Variants in NPFFR2 observed in about 807,000 individuals in gnomAD.
NPFFR2 encodes G-protein coupled receptor 74.
In NPFFR2, 15 loss-of-function variants were observed where a neutral mutation model predicts 13.1. The ratio of observed to expected loss-of-function variants is 1.15; its 90% confidence interval spans 0.77 to 1.76. The LOEUF (loss-of-function observed/expected upper bound fraction) is 1.76, where lower values mean the gene tolerates loss of function less well. Ranked by LOEUF, NPFFR2 falls within the 40% of genes most tolerant of loss-of-function variation. The pLI is 0.00. For missense variants in NPFFR2, 572 were observed against 503.5 expected (o/e 1.14, Z -1.30); for synonymous variants, 190 against 175.7 (o/e 1.08, Z -0.65).
At chr4:72,142,664 A>G (rs1293335014) in intron 3 of NPFFR2, among the ~76,000 whole-genome samples, 1 of 152,226 alleles carries the variant, frequency 6.6e-6, no homozygotes, top group African/African-American at 2.4e-5. Flanking sequence ...TTAAAAATAA[A>G]TAATTGGAGA....
intron 3 of NPFFR2, among the ~76,000 whole-genome samples, chr4:72,138,406 G>C (rs1056809639): frequency 3.4e-5 from 5 of 149,054 alleles, no homozygotes; most frequent in African/African-American, 1.2e-4. Context: ...TGTTATCCCT[G>C]CCCCTGCCCC....
At chr4:72,075,585 C>T (rs1422470050) in intron 1 of NPFFR2, among the ~76,000 whole-genome samples, 5 of 152,124 alleles carry the variant, frequency 3.3e-5, no homozygotes, top group Non-Finnish European at 7.4e-5. Flanking sequence ...CCAACTATAT[C>T]TAACATACAT....
intron 1 of NPFFR2, among the ~76,000 whole-genome samples, chr4:72,054,736 A>G (rs927764978): frequency 6.6e-6 from 1 of 151,926 alleles, no homozygotes; most frequent in African/African-American, 2.4e-5. Context: ...GAAAATATAT[A>G]TTTTACAAAG....
intron 1 of NPFFR2, among the ~76,000 whole-genome samples, chr4:72,086,039 G>A (rs576835018): frequency 6.6e-6 from 1 of 151,900 alleles, no homozygotes; most frequent in Non-Finnish European, 1.5e-5. Flanking sequence ...ATGTGCCATT[G>A]GTTATCACAT....
chr4:72,043,635 G>A (rs1191340102), intron 1 of NPFFR2, among the ~76,000 whole-genome samples: 8 of 152,218 alleles, frequency 5.3e-5, no homozygotes, highest in Non-Finnish European at 7.3e-5. Flanking sequence ...CATGGGGCCT[G>A]TAGCCCCTTT....
chr4:72,131,461 G>C (rs1191928284), intron 2 of NPFFR2, among the ~76,000 whole-genome samples: 3 of 110,984 alleles, frequency 2.7e-5, no homozygotes, highest in Non-Finnish European at 5.2e-5. Flanking sequence ...TGGGGGGAGG[G>C]GGGAGGGATA....
intron 3 of NPFFR2, among the ~76,000 whole-genome samples, chr4:72,146,282 C>T (rs906599812): frequency 1.3e-5 from 2 of 152,132 alleles, no homozygotes; most frequent in Non-Finnish European, 2.9e-5. Flanking sequence ...CTCTTATCTC[C>T]CGGAATCTTT....
chr4:72,064,534 A>G (rs1045809596), intron 1 of NPFFR2, among the ~76,000 whole-genome samples: 1 of 152,204 alleles, frequency 6.6e-6, no homozygotes, highest in African/African-American at 2.4e-5. Flanking sequence ...GCCATATTAT[A>G]TCCATTAAAA....
chr4:72,047,182 A>C (rs1719403757), intron 1 of NPFFR2, among the ~76,000 whole-genome samples: 1 of 151,764 alleles, frequency 6.6e-6, no homozygotes, highest in Non-Finnish European at 1.5e-5. Context: ...AAGAATTAAA[A>C]AAAAAAAAGA....
intron 2 of NPFFR2, among the ~76,000 whole-genome samples, chr4:72,132,620 G>T (rs11734943): frequency 0.29 from 44,709 of 152,084 alleles, 7,232 homozygotes; most frequent in Admixed American, 0.36. Flanking sequence ...CACCAACAGT[G>T]TGAAAGTGTT....
chr4:72,037,854 G>A lies in NPFFR2; in HGVS notation c.-8+5654G>A, dbSNP rs900599846. Among the ~76,000 whole-genome samples, 3 of 152,090 alleles carry A rather than the reference G, an allele frequency of 2.0e-5. No homozygotes were observed. The East Asian group carries it at 5.8e-4, about 29-fold the overall frequency. On this transcript the variant is annotated intron_variant, in intron 1 of 3. Transcript: ENST00000308744. The stretch of plus-strand genomic sequence containing the variant: ...ATATATGCTTCTTTCAAAACTAGTG[G>A]CCCTATGCTTCCCTTAACACAGAAG...
intron 1 of NPFFR2, among the ~76,000 whole-genome samples, chr4:72,057,458 TC>T (rs1719787718): frequency 1.3e-5 from 2 of 152,028 alleles, no homozygotes; most frequent in South Asian, 4.1e-4. Flanking sequence ...AGGAACACCT[TC>T]GCTTAAGGCA....
intron 3 of NPFFR2, among the ~76,000 whole-genome samples, chr4:72,141,206 A>C (rs575185846): frequency 3.9e-5 from 6 of 152,018 alleles, no homozygotes; most frequent in African/African-American, 4.8e-5. Context: ...TTAAAAAAAA[A>C]CCAGCTCCTG....
At chr4:72,110,807 A>C (rs555118265) in intron 1 of NPFFR2, among the ~76,000 whole-genome samples, 2 of 152,026 alleles carry the variant, frequency 1.3e-5, no homozygotes, top group Non-Finnish European at 2.9e-5. Context: ...AAATCATACA[A>C]TCCTAATAGA....
chr4:72,124,020 G>A (rs558727430), intron 1 of NPFFR2, among the ~76,000 whole-genome samples: 8 of 152,180 alleles, frequency 5.3e-5, no homozygotes, highest in Middle Eastern at 3.4e-3. Flanking sequence ...AAACCCCATC[G>A]TCTCAGCCCA....
At chr4:72,101,095 A>G (rs1721234313) in intron 1 of NPFFR2, among the ~76,000 whole-genome samples, 1 of 152,110 alleles carries the variant, frequency 6.6e-6, no homozygotes, top group Admixed American at 6.6e-5. Context: ...ATTTCCACTT[A>G]TTTACATTTT....
At chr4:72,095,857 C>G (rs1721056453) in intron 1 of NPFFR2, among the ~76,000 whole-genome samples, 1 of 152,172 alleles carries the variant, frequency 6.6e-6, no homozygotes, top group Non-Finnish European at 1.5e-5. Context: ...GCTCCGTAGC[C>G]TCAAAACTCT....
chr4:72,134,132 G>A (rs1002219903), intron 2 of NPFFR2, among the ~76,000 whole-genome samples: 4 of 152,030 alleles, frequency 2.6e-5, no homozygotes, highest in African/African-American at 9.7e-5. Flanking sequence ...TGGTATGGTG[G>A]CGTGCACCTG....
chr4:72,086,335 AC>A (rs1320895187), intron 1 of NPFFR2, among the ~76,000 whole-genome samples: 1 of 152,124 alleles, frequency 6.6e-6, no homozygotes, highest in Non-Finnish European at 1.5e-5. Context: ...CAGTCATCTT[AC>A]GTAGATAGCA....
Sources: gnomAD v4.1 joint callset for allele counts (sites outside exome capture counted in the v4.1 genomes callset) on GRCh38, gnomAD v4.1.1 for gene constraint, MANE v1.5 for transcripts, NCBI Gene and HGNC (gene_info 2026-07-23, HGNC 2026-07-21) for gene names.